POU2AF1: variants seen among roughly 807,000 people sequenced by gnomAD.
The protein encoded by POU2AF1 is POU domain class 2-associating factor 1.
In POU2AF1, 12 loss-of-function variants were observed where a neutral mutation model predicts 26.3. That is an observed-to-expected ratio of 0.46 (90% CI 0.29 to 0.74). The LOEUF (loss-of-function observed/expected upper bound fraction) is 0.74, where lower values mean the gene tolerates loss of function less well. Among genes scored for constraint, POU2AF1 ranks in the 30% least tolerant of loss-of-function variants. POU2AF1 has a pLI of 0.09. For synonymous variants in POU2AF1, 175 were observed against 148.0 expected (o/e 1.18, Z -1.32); for missense variants, 297 against 334.5 (o/e 0.89, Z 0.87).
chr11:111,378,814 C>T (rs1861362419), intron 1 of POU2AF1, among the ~76,000 whole-genome samples: 1 of 152,234 alleles, frequency 6.6e-6, no homozygotes, highest in African/African-American at 2.4e-5. Context: ...CCCTCCCAAC[C>T]CCAAACCCAT....
intron 3 of POU2AF1, 33 bp downstream of exon 3, chr11:111,357,762 C>A (rs1158000006): frequency 1.2e-6 from 2 of 1,612,372 alleles, no homozygotes; most frequent in Non-Finnish European, 1.7e-6. Flanking sequence ...GATGAGAGGC[C>A]TGGGGGCCAC....
intron 2 of POU2AF1, among the ~76,000 whole-genome samples, chr11:111,358,406 T>TCTCTCACACACGTA (rs1860910324): frequency 1.3e-4 from 3 of 23,382 alleles, no homozygotes; most frequent in African/African-American, 3.6e-4. Context: ...ACACACATAC[T>TCTCTCACACACGTA]CTCTCACACA....
At chr11:111,359,146 T>A (rs993649853) in intron 1 of POU2AF1, 1 of 688,058 alleles carries the variant, frequency 1.5e-6, no homozygotes, top group African/African-American at 1.8e-5. Context: ...TGTCCTAGAA[T>A]TGGACAGTCT....
At chr11:111,369,894 G>T (rs1374155165) in intron 1 of POU2AF1, among the ~76,000 whole-genome samples, 1 of 152,188 alleles carries the variant, frequency 6.6e-6, no homozygotes, top group Non-Finnish European at 1.5e-5. Context: ...TTAGGCAGCT[G>T]GAGGAGGCAG....
chr11:111,359,995 G>A (rs377672376), intron 1 of POU2AF1: 1 of 519,052 alleles, frequency 1.9e-6, no homozygotes, highest in South Asian at 1.4e-5. Flanking sequence ...CCTGGGGCCA[G>A]ACAGTGTCCA....
chr11:111,356,527 C>T (rs1005122707), intron 4 of POU2AF1, among the ~76,000 whole-genome samples: 4 of 152,202 alleles, frequency 2.6e-5, no homozygotes, highest in South Asian at 4.1e-4. Context: ...CTACTTCCCA[C>T]GGTTTCCCTG....
chr11:111,376,208 T>C (rs958147390), intron 1 of POU2AF1, among the ~76,000 whole-genome samples: 1 of 152,180 alleles, frequency 6.6e-6, no homozygotes. Flanking sequence ...CACAAAAACC[T>C]TGGGAGGCAG....
chr11:111,364,632 C>A (rs1316799079), intron 1 of POU2AF1, among the ~76,000 whole-genome samples: 1 of 152,256 alleles, frequency 6.6e-6, no homozygotes, highest in Non-Finnish European at 1.5e-5. Flanking sequence ...AGCCATTGTC[C>A]TCTTGTGACG....
At position 111,354,425 on chromosome 11, in the gene POU2AF1, G is replaced by A; in HGVS notation, c.607C>T (p.Pro203Ser). ...YQPPAPALPG[P>S]QFVQLPISIP... ...GAGATGGGGAGCTGGACAAACTGGGGCCCAGGTAGGGCTGGGGCCGGAGGC... is the reference window on the plus strand; with the variant it reads ...GAGATGGGGAGCTGGACAAACTGGGACCCAGGTAGGGCTGGGGCCGGAGGC... The change falls in exon 5 of 5, where the codon CCC (proline) becomes TCC (serine). Residue 203 changes from proline to serine, a missense_variant. By Grantham distance (74) the Pro-to-Ser change is moderately conservative. Coordinates refer to ENST00000393067, the MANE Select transcript of POU2AF1 (RefSeq NM_006235.3). The A allele has an allele frequency of 1.2e-6, 2 of 1,614,154 alleles. No homozygotes were observed. Among genetic ancestry groups the A allele is most frequent in the Non-Finnish European group, 1.7e-6 (2 of 1,179,992 alleles).
Position 111,358,886 on chromosome 11 carries a change from G to A in POU2AF1, c.49C>T (p.Arg17Trp), listed in dbSNP as rs1327122899. ...TTCACACGGACGCCCTGGTATGGCCGGGCCGGGGCTGGGGCTTGCTCCGGA... is the reference window on the plus strand; with the variant it reads ...TTCACACGGACGCCCTGGTATGGCCAGGCCGGGGCTGGGGCTTGCTCCGGA... ...TAPEQAPAPA[R>W]PYQGVRVKEP... The change falls in exon 2 of 5, where the codon CGG (arginine) becomes TGG (tryptophan). Residue 17 changes from arginine to tryptophan, a missense_variant. Coordinates refer to ENST00000393067, the MANE Select transcript of POU2AF1 (RefSeq NM_006235.3). 2 of 1,607,538 alleles carry A rather than the reference G, an allele frequency of 1.2e-6. No individual in the cohort carries two copies. The highest frequency in any genetic ancestry group is 1.3e-5 in the African/African-American group (1 of 74,928).
intron 1 of POU2AF1, among the ~76,000 whole-genome samples, chr11:111,364,859 T>A (rs1861075453): frequency 6.6e-6 from 1 of 152,238 alleles, no homozygotes; most frequent in African/African-American, 2.4e-5. Context: ...TTTCCTTATT[T>A]GATCAAGGCT....
rs139129319 is a variant in POU2AF1 at position 111,357,583 on chromosome 11, G to A, written c.318C>T (p.Thr106=). The change falls in exon 4 of 5, where the codon ACC becomes ACT. Residue 106 remains threonine, a synonymous_variant. Transcript: ENST00000393067. The stretch of plus-strand genomic sequence containing the variant: ...TGACAGCTTCATGGGGCACATACTC[G>A]GTGTAAGGTGTCCATGGGGCCAGGG... ...LQPLAPWTPY[T]EYVPHEAVSC... 4.3e-5 allele frequency: 69 copies of A among 1,614,032 alleles called. No individual in the cohort carries two copies. The African/African-American group carries it at 5.6e-4, about 13-fold the overall frequency.
chr11:111,362,896 A>G (rs1444114810), intron 1 of POU2AF1: 1 of 153,502 alleles, frequency 6.5e-6, no homozygotes, highest in African/African-American at 2.4e-5. Context: ...TTGCATGTAC[A>G]CTTCTGAGGA....
chr11:111,369,364 G>A (rs1009572143), intron 1 of POU2AF1, among the ~76,000 whole-genome samples: 1 of 152,196 alleles, frequency 6.6e-6, no homozygotes, highest in African/African-American at 2.4e-5. Flanking sequence ...GAATGGCAGC[G>A]ATTAGGTTGC....
At chr11:111,371,058 C>T (rs999704042) in intron 1 of POU2AF1, among the ~76,000 whole-genome samples, 2 of 152,216 alleles carry the variant, frequency 1.3e-5, no homozygotes, top group South Asian at 4.1e-4. Context: ...CTATTGTCAA[C>T]TCTCTTGCCT....
intron 2 of POU2AF1, among the ~76,000 whole-genome samples, chr11:111,358,328 T>TCA (rs553281766): frequency 0.65 from 74,064 of 114,690 alleles, 24,326 homozygotes; most frequent in Admixed American, 0.74. Flanking sequence ...ACGTACTCTC[T>TCA]CACACACTCT....
intron 1 of POU2AF1, chr11:111,363,360 A>G: frequency 9.8e-7 from 1 of 1,021,736 alleles, no homozygotes; most frequent in South Asian, 4.6e-5. Context: ...TGAAGCTTCA[A>G]GACGATTCCA....
At position 111,372,069 on chromosome 11, in the gene POU2AF1, C is replaced by CAG. The variant is rs150182572; in HGVS notation, c.16+7091_16+7092dup. Among the ~76,000 whole-genome samples, 597 of 144,316 alleles carry CAG rather than the reference C, an allele frequency of 4.1e-3. 7 individuals are homozygous for CAG. The highest frequency in any genetic ancestry group is 0.015 in the South Asian group (68 of 4,462). 94.7% of individuals were successfully genotyped at this position (144,316 alleles called of 152,430 possible). A position where few individuals can be genotyped will look rare whatever the true frequency, so the allele number is the denominator to read the frequency against. On this transcript the variant is annotated intron_variant, in intron 1 of 4. Coordinates refer to ENST00000393067, the MANE Select transcript of POU2AF1 (RefSeq NM_006235.3). ...ACACACACACACACACACACACACA[C>CAG]AGAGAGAGAGAGAGAGAGAGATGAA... is the stretch of plus-strand genomic sequence containing the variant.
chr11:111,375,063 T>C (rs1169024887), intron 1 of POU2AF1, among the ~76,000 whole-genome samples: 1 of 152,212 alleles, frequency 6.6e-6, no homozygotes, highest in Admixed American at 6.5e-5. Flanking sequence ...ATCCATGACA[T>C]AATAATCTGA....
Sources: gnomAD v4.1 joint callset for allele counts (sites outside exome capture counted in the v4.1 genomes callset) on GRCh38, gnomAD v4.1.1 for gene constraint, MANE v1.5 for transcripts, NCBI Gene and HGNC (gene_info 2026-07-23, HGNC 2026-07-21) for gene names.